Variants in HECW2 observed in about 807,000 individuals in gnomAD.
HECW2 encodes E3 ubiquitin-protein ligase HECW2.
A neutral mutation model predicts 175.2 loss-of-function variants in HECW2; 61 were observed. The observed-to-expected ratio is 0.35, with a 90% confidence interval of 0.28 to 0.43. The LOEUF is 0.43. Ranked by LOEUF, HECW2 falls within the 20% of genes least tolerant of loss-of-function variation. The pLI is 1.00. For synonymous variants in HECW2, 671 were observed against 731.0 expected (o/e 0.92, Z 1.32); for missense variants, 1,524 against 2,000.5 (o/e 0.76, Z 4.54).
At chr2:196,571,578 A>G (rs1162263838) in intron 1 of HECW2, among the ~76,000 whole-genome samples, 1 of 152,088 alleles carries the variant, frequency 6.6e-6, no homozygotes, top group South Asian at 2.1e-4. Flanking sequence ...GTGTGCTGAC[A>G]GTTACCTGTA....
chr2:196,486,971 A>G (rs1306048503), intron 1 of HECW2, among the ~76,000 whole-genome samples: 1 of 151,954 alleles, frequency 6.6e-6, no homozygotes, highest in East Asian at 1.9e-4. Flanking sequence ...CTGTCACTAC[A>G]AAAAACTTTT....
At chr2:196,459,074 AAAAC>A (rs1465854786) in intron 1 of HECW2, among the ~76,000 whole-genome samples, 1 of 152,246 alleles carries the variant, frequency 6.6e-6, no homozygotes, top group African/African-American at 2.4e-5. Flanking sequence ...TAATGCTAAA[AAAAC>A]AAACAAACAA....
At chr2:196,279,206 G>A (rs536805417) in intron 14 of HECW2, among the ~76,000 whole-genome samples, 2 of 150,442 alleles carry the variant, frequency 1.3e-5, no homozygotes, top group South Asian at 2.1e-4. Flanking sequence ...CCACCACCAC[G>A]CCCGGCTAAT....
In HECW2 at chr2:196,383,679, C is replaced by T. The variant is rs562257474; in HGVS notation, c.293-39915G>A. 3.9e-5 allele frequency among the ~76,000 whole-genome samples: 6 copies of T among 152,286 alleles called. No individual in the cohort carries two copies. The East Asian group carries it at 5.8e-4, about 15-fold the overall frequency. On this transcript the variant is annotated intron_variant, in intron 2 of 28. Transcript: ENST00000644978. ...TGGCAATGACAAGGGCTCCAATGTCCTCAGTGGGGCAGTGACAGTCAAGGT... is the reference window on the plus strand; with the variant it reads ...TGGCAATGACAAGGGCTCCAATGTCTTCAGTGGGGCAGTGACAGTCAAGGT...
Position 196,201,185 on chromosome 2 carries a change from G to C in HECW2, c.*92C>G. ...AGCACATAGCTTTATCCTAAAGGAA[G>C]CATCCTCTTGAAACTTCCAATGTTC... On this transcript the variant is annotated 3_prime_UTR_variant, in exon 29 of 29. Coordinates refer to ENST00000644978, the MANE Select transcript of HECW2 (RefSeq NM_001348768.2). 1.2e-6 allele frequency: 1 copy of C among 848,450 alleles called. No homozygotes were observed. The highest frequency in any genetic ancestry group is 1.4e-5 in the South Asian group (1 of 73,018). The allele number at this position is 848,450 out of a possible 1,614,324, so 52.6% of individuals were successfully genotyped here. A position where few individuals can be genotyped will look rare whatever the true frequency, so the allele number is the denominator to read the frequency against.
At chr2:196,212,427 G>A (rs1284373136) in intron 28 of HECW2, among the ~76,000 whole-genome samples, 6 of 151,992 alleles carry the variant, frequency 3.9e-5, no homozygotes, top group African/African-American at 1.2e-4. Flanking sequence ...TTTAGCTCCC[G>A]CTTGTGAGAA....
At chr2:196,447,358 A>G (rs1180586811) in intron 1 of HECW2, among the ~76,000 whole-genome samples, 1 of 152,214 alleles carries the variant, frequency 6.6e-6, no homozygotes, top group Non-Finnish European at 1.5e-5. Context: ...CATTTCTCCC[A>G]TACAATGAGA....
chr2:196,222,646 C>T (rs1207870958), intron 23 of HECW2, among the ~76,000 whole-genome samples: 1 of 152,184 alleles, frequency 6.6e-6, no homozygotes, highest in East Asian at 1.9e-4. Context: ...AGTCATCCAT[C>T]ATCAATGCCA....
At chr2:196,342,613 C>A (rs138196921) in intron 3 of HECW2, among the ~76,000 whole-genome samples, 1,771 of 152,118 alleles carry the variant, frequency 0.012, 15 homozygotes, top group Non-Finnish European at 0.018. Flanking sequence ...TTTTTGTGAA[C>A]CAGGCACTAT....
chr2:196,427,802 C>T (rs1241084108), intron 2 of HECW2, among the ~76,000 whole-genome samples: 2 of 152,122 alleles, frequency 1.3e-5, no homozygotes, highest in Non-Finnish European at 2.9e-5. Context: ...GTATATGAGG[C>T]TTTCTGGAAG....
At chr2:196,308,483 T>C (rs188503994) in intron 10 of HECW2, among the ~76,000 whole-genome samples, 8 of 152,356 alleles carry the variant, frequency 5.3e-5, no homozygotes, top group Middle Eastern at 3.4e-3. Context: ...ATGTCTTTTC[T>C]AGCTTCAATG....
intron 28 of HECW2, among the ~76,000 whole-genome samples, chr2:196,208,886 C>T (rs1215463128): frequency 6.6e-6 from 1 of 151,964 alleles, no homozygotes; most frequent in Non-Finnish European, 1.5e-5. Context: ...AGGGTGTAGG[C>T]AAGGGAGGGA....
At chr2:196,512,135 A>G (rs183520090) in intron 1 of HECW2, among the ~76,000 whole-genome samples, 5 of 152,362 alleles carry the variant, frequency 3.3e-5, no homozygotes, top group Admixed American at 3.3e-4. Flanking sequence ...GACCTGGAGA[A>G]CAGGCAGGAT....
At chr2:196,281,798 G>A (rs886175248) in intron 14 of HECW2, among the ~76,000 whole-genome samples, 2 of 152,148 alleles carry the variant, frequency 1.3e-5, no homozygotes, top group Middle Eastern at 3.4e-3. Flanking sequence ...TTGAGAAGTG[G>A]GAGGCAACAT....
chr2:196,369,557 A>G (rs1693849912), intron 2 of HECW2, among the ~76,000 whole-genome samples: 1 of 151,832 alleles, frequency 6.6e-6, no homozygotes, highest in Non-Finnish European at 1.5e-5. Context: ...AGGGCTCTAC[A>G]ATCAGCACAG....
intron 1 of HECW2, among the ~76,000 whole-genome samples, chr2:196,577,200 T>C (rs1690593225): frequency 6.6e-6 from 1 of 152,182 alleles, no homozygotes. Context: ...GCTGGTTGCA[T>C]TCACAGAATG....
rs112355283 is a variant in HECW2, at chr2:196,326,722, G to A, written c.572-1573C>T. On this transcript the variant is annotated intron_variant, in intron 5 of 28. Coordinates refer to ENST00000644978, the MANE Select transcript of HECW2 (RefSeq NM_001348768.2). ...CTCCCAAAGTGCTGGGATTACAGGC[G>A]TGAGCCACTGCACATTGAGAACACT... Among the ~76,000 whole-genome samples the A allele has an allele frequency of 2.0e-4, 31 of 152,178 alleles. 1 individual carries two copies. The East Asian group carries it at 2.3e-3, about 11-fold the overall frequency.
At chr2:196,419,549 C>T (rs182922296) in intron 2 of HECW2, among the ~76,000 whole-genome samples, 3 of 152,320 alleles carry the variant, frequency 2.0e-5, no homozygotes, top group Admixed American at 1.3e-4. Context: ...GCCCCTTCTC[C>T]ATGCTCCTGT....
chr2:196,221,535 A>G (rs28666583), intron 24 of HECW2, among the ~76,000 whole-genome samples: 11,234 of 152,088 alleles, frequency 0.074, 588 homozygotes, highest in African/African-American at 0.15. Flanking sequence ...CTTAGCTTCA[A>G]AAAAATCAAT....
Sources: allele counts gnomAD v4.1 joint callset (sites outside exome capture counted in the v4.1 genomes callset), GRCh38; gene constraint gnomAD v4.1.1; transcripts MANE v1.5; gene names NCBI Gene and HGNC (gene_info 2026-07-23, HGNC 2026-07-21).